The following NEIL3 variants were observed in gnomAD, a reference collection of about 807,000 sequenced individuals.
NEIL3 encodes endonuclease 8-like 3.
In NEIL3, 48 loss-of-function variants were observed where a neutral mutation model predicts 57.5. The observed-to-expected ratio is 0.83, with a 90% CI of 0.66 to 1.06. The LOEUF (loss-of-function observed/expected upper bound fraction) is 1.06. Ranked by LOEUF, NEIL3 falls within the 50% of genes least tolerant of loss-of-function variation. NEIL3 has a pLI of 0.00. For synonymous variants in NEIL3, 261 were observed against 253.2 expected (o/e 1.03, Z -0.29); for missense variants, 717 against 739.1 (o/e 0.97, Z 0.35).
intron 5 of NEIL3, among the ~76,000 whole-genome samples, chr4:177,340,778 G>A (rs1735076116): frequency 6.6e-6 from 1 of 152,140 alleles, no homozygotes; most frequent in South Asian, 2.1e-4. Context: ...AATTTTCACA[G>A]TGCTGATGGA....
chr4:177,350,158 G>C (rs183017746), intron 6 of NEIL3, among the ~76,000 whole-genome samples: 5 of 152,094 alleles, frequency 3.3e-5, no homozygotes, highest in African/African-American at 1.2e-4. Context: ...TTATATGTAA[G>C]GAACAAAATG....
chr4:177,334,522 G>T (rs1337762025), intron 2 of NEIL3, among the ~76,000 whole-genome samples: 1 of 152,140 alleles, frequency 6.6e-6, no homozygotes, highest in Admixed American at 6.5e-5. Context: ...GAGCCATGCA[G>T]CTGAAAAGAT....
intron 8 of NEIL3, among the ~76,000 whole-genome samples, chr4:177,358,617 T>C (rs189019449): frequency 3.9e-5 from 6 of 152,268 alleles, no homozygotes; most frequent in African/African-American, 1.4e-4. Flanking sequence ...TGTGGCTATG[T>C]TTTTAATTTA....
At chr4:177,360,412 A>G (rs1312780069) in intron 8 of NEIL3, 91 bp from the exon 9 acceptor site, 1 of 845,524 alleles carries the variant, frequency 1.2e-6, no homozygotes, top group Non-Finnish European at 1.7e-6. Context: ...ATTTCTTGGT[A>G]CAAGTGAAAT....
chr4:177,359,476 T>A (rs1735562257), intron 8 of NEIL3, among the ~76,000 whole-genome samples: 1 of 152,204 alleles, frequency 6.6e-6, no homozygotes, highest in Non-Finnish European at 1.5e-5. Context: ...GAAACAAGTG[T>A]GTAAAAAATG....
chr4:177,319,091 G>A (rs1734627475), intron 1 of NEIL3, among the ~76,000 whole-genome samples: 1 of 152,204 alleles, frequency 6.6e-6, no homozygotes, highest in Non-Finnish European at 1.5e-5. Context: ...AATGGTGTAA[G>A]TTCTTGTCAA....
chr4:177,353,736 G>T lies in NEIL3; in HGVS notation c.1460+8G>T. 3 of 1,583,312 alleles carry T rather than the reference G, an allele frequency of 1.9e-6. No homozygotes were observed. Among genetic ancestry groups the T allele is most frequent in the Non-Finnish European group, 2.6e-6 (3 of 1,168,582 alleles). On this transcript the variant is annotated splice_region_variant and intron_variant, in intron 8 of 9. Transcript: ENST00000264596. ...CCCTGGATATTCTAACAGGTATGAT[G>T]CTTTTAACCTTGGTCTTTAAGATAA...
intron 8 of NEIL3, among the ~76,000 whole-genome samples, chr4:177,359,371 TC>T (rs1320829654): frequency 6.6e-6 from 1 of 152,186 alleles, no homozygotes; most frequent in Non-Finnish European, 1.5e-5. Flanking sequence ...TATTTAAGCA[TC>T]CTTTATATAA....
intron 2 of NEIL3, among the ~76,000 whole-genome samples, chr4:177,323,867 G>A (rs1357129323): frequency 6.6e-6 from 1 of 152,160 alleles, no homozygotes. Flanking sequence ...GTCAGTAAGT[G>A]TTCCATGAAG....
chr4:177,361,131 A>AGC (rs1735600082), intron 9 of NEIL3, among the ~76,000 whole-genome samples: 2 of 87,956 alleles, frequency 2.3e-5, no homozygotes, highest in Admixed American at 3.0e-4. Context: ...AATCCTACTT[A>AGC]ACCACACTTG....
At chr4:177,347,048 T>A (rs1735236009) in intron 6 of NEIL3, among the ~76,000 whole-genome samples, 1 of 151,686 alleles carries the variant, frequency 6.6e-6, no homozygotes, top group South Asian at 2.1e-4. Context: ...TACATACATG[T>A]ATAAGACATG....
At chr4:177,322,676 G>A in intron 2 of NEIL3, 96 bp downstream of exon 2, 1 of 1,442,576 alleles carries the variant, frequency 6.9e-7, no homozygotes, top group Admixed American at 1.8e-5. Flanking sequence ...TAATCATATA[G>A]GAAGTACTGT....
In NEIL3 at chr4:177,310,112, G is replaced by T; in HGVS notation, c.156+3G>T. 6.4e-7 allele frequency: 1 copy of T among 1,567,602 alleles called. No homozygotes were observed. Reference sequence around the variant, plus strand: ...CCACGGTTGTGGTCTCCCCGCAGGTGAGCTACTCCTGTAACAGGCCATGCA... The same window carrying T: ...CCACGGTTGTGGTCTCCCCGCAGGTTAGCTACTCCTGTAACAGGCCATGCA... On this transcript the variant is annotated splice_donor_region_variant and intron_variant, in intron 1 of 9. Transcript: ENST00000264596.
At chr4:177,350,850 A>G (rs1204291458) in intron 6 of NEIL3, among the ~76,000 whole-genome samples, 1 of 152,214 alleles carries the variant, frequency 6.6e-6, no homozygotes, top group East Asian at 1.9e-4. Flanking sequence ...TTGACTCTAA[A>G]TAACTTTTAT....
rs34818325 is a variant in NEIL3, at chr4:177,335,851, G to A, written c.413+29G>A. ...AAAAAAATTAAATAAAAGTACTTAC[G>A]CTGCAATACTGCAGAGCTTGGTTTG... On this transcript the variant is annotated intron_variant, in intron 3 of 9. Transcript: ENST00000264596. 1,962 of 1,510,466 alleles carry A rather than the reference G, an allele frequency of 1.3e-3. 18 individuals are homozygous for A. The African/African-American group carries it at 0.023, about 18-fold the overall frequency. The allele number at this position is 1,510,466 out of a possible 1,614,324, so 93.6% of individuals were successfully genotyped here.
intron 3 of NEIL3, 126 bp downstream of exon 3, chr4:177,335,948 A>C: frequency 9.3e-7 from 1 of 1,070,006 alleles, no homozygotes; most frequent in Non-Finnish European, 1.3e-6. Flanking sequence ...ATTTTAAAGA[A>C]GCCTTCAGAT....
At chr4:177,370,754 A>T in the NEIL3 span, among the ~76,000 whole-genome samples, 1 of 152,044 alleles carries the variant, frequency 6.6e-6, no homozygotes, top group Non-Finnish European at 1.5e-5. Flanking sequence ...TACAAAAACT[A>T]GTCTGGTGTG....
At chr4:177,352,761 C>A (rs867626129) in intron 7 of NEIL3, among the ~76,000 whole-genome samples, 1 of 151,000 alleles carries the variant, frequency 6.6e-6, no homozygotes, top group African/African-American at 2.4e-5. Context: ...ACCCGGGAGG[C>A]GGAGGTTGCA....
intron 1 of NEIL3, among the ~76,000 whole-genome samples, chr4:177,313,434 T>C (rs1734513362): frequency 6.6e-6 from 1 of 152,224 alleles, no homozygotes; most frequent in African/African-American, 2.4e-5. Flanking sequence ...ATTATTTTTC[T>C]GAGTCGTGAT....
Sources: gnomAD v4.1 joint callset for allele counts (sites outside exome capture counted in the v4.1 genomes callset) on GRCh38, gnomAD v4.1.1 for gene constraint, MANE v1.5 for transcripts, NCBI Gene and HGNC (gene_info 2026-07-23, HGNC 2026-07-21) for gene names.